The following SGMS1 variants were observed in gnomAD, a reference collection of about 807,000 sequenced individuals.
SGMS1 encodes sphingomyelin synthase 1.
A neutral mutation model predicts 46.2 loss-of-function variants in SGMS1; 13 were observed. That is an observed-to-expected ratio of 0.28 (90% CI 0.18 to 0.45). The LOEUF (loss-of-function observed/expected upper bound fraction) is 0.45, where lower values mean the gene tolerates loss of function less well. SGMS1 is among the 20% of genes least tolerant of loss of function. The pLI is 1.00. For missense variants in SGMS1, 324 were observed against 519.9 expected, an observed-to-expected ratio of 0.62 and a Z score of 3.66; for synonymous variants, 203 against 187.8, an observed-to-expected ratio of 1.08 and a Z score of -0.66.
chr10:50,541,657 T>C (rs1838053581), intron 2 of SGMS1, among the ~76,000 whole-genome samples: 1 of 152,054 alleles, frequency 6.6e-6, no homozygotes, highest in Non-Finnish European at 1.5e-5. Flanking sequence ...GGGGCCAAGA[T>C]CCTCGAAAAT....
chr10:50,418,257 C>T (rs937064593), intron 6 of SGMS1: 28 of 152,302 alleles, frequency 1.8e-4, no homozygotes, highest in African/African-American at 6.5e-4. Context: ...CGGTCCCGTT[C>T]CCCTGCTTGC....
At chr10:50,388,346 A>T (rs563062564) in intron 6 of SGMS1, among the ~76,000 whole-genome samples, 141 of 152,220 alleles carry the variant, frequency 9.3e-4, no homozygotes, top group African/African-American at 2.9e-3. Context: ...TTAAAAGCCC[A>T]AAAGAGGCTG....
chr10:50,539,528 C>T (rs1373743081), intron 2 of SGMS1, among the ~76,000 whole-genome samples: 1 of 152,136 alleles, frequency 6.6e-6, no homozygotes, highest in African/African-American at 2.4e-5. Flanking sequence ...TTATATGGGA[C>T]CTGATTCTCA....
chr10:50,430,488 A>G (rs986635113), intron 6 of SGMS1, among the ~76,000 whole-genome samples: 2 of 145,054 alleles, frequency 1.4e-5, no homozygotes, highest in African/African-American at 5.0e-5. Flanking sequence ...AAAAAAAGCA[A>G]TGTTAATTGT....
chr10:50,556,997 G>C (rs1277666885), intron 2 of SGMS1, among the ~76,000 whole-genome samples: 1 of 152,174 alleles, frequency 6.6e-6, no homozygotes, highest in African/African-American at 2.4e-5. Flanking sequence ...TGTCCTGTCT[G>C]CCGCCAAGGG....
chr10:50,600,519 T>C (rs1429013642), intron 1 of SGMS1, among the ~76,000 whole-genome samples: 2 of 152,144 alleles, frequency 1.3e-5, no homozygotes, highest in Non-Finnish European at 2.9e-5. Context: ...GGGGAATGAA[T>C]ATATTTTGAA....
intron 6 of SGMS1, among the ~76,000 whole-genome samples, chr10:50,395,736 G>T: frequency 6.6e-6 from 1 of 152,176 alleles, no homozygotes; most frequent in East Asian, 1.9e-4. Flanking sequence ...AACTTAAAAT[G>T]TGGAAGGATT....
chr10:50,518,917 G>A (rs1470211592), intron 3 of SGMS1, among the ~76,000 whole-genome samples: 1 of 152,218 alleles, frequency 6.6e-6, no homozygotes, highest in East Asian at 1.9e-4. Flanking sequence ...AAATAAAGAT[G>A]ACAATGATAT....
intron 6 of SGMS1, among the ~76,000 whole-genome samples, chr10:50,352,766 T>G (rs373770093): frequency 6.6e-6 from 1 of 152,062 alleles, no homozygotes; most frequent in Non-Finnish European, 1.5e-5. Flanking sequence ...AAAATTATAA[T>G]GGTGTTCTAA....
Position 50,574,104 on chromosome 10 carries a change from T to G in SGMS1, c.-589+16049A>C, listed in dbSNP as rs140789476. Among the ~76,000 whole-genome samples, 401 of 152,264 alleles carry G rather than the reference T, an allele frequency of 2.6e-3. 3 individuals are homozygous for G. Among genetic ancestry groups the G allele is most frequent in the Non-Finnish European group, 3.5e-3 (235 of 68,010 alleles). On this transcript the variant is annotated intron_variant, in intron 2 of 10. Coordinates refer to ENST00000361781, the MANE Select transcript of SGMS1 (RefSeq NM_147156.4). The stretch of plus-strand genomic sequence containing the variant: ...AACACAGGGGGGAAGCTTCTTGATA[T>G]TAGATTTGGCAATGATTCCTTGGAT...
chr10:50,595,244 C>T (rs372405644), intron 1 of SGMS1, among the ~76,000 whole-genome samples: 6 of 151,872 alleles, frequency 4.0e-5, no homozygotes, highest in Non-Finnish European at 7.4e-5. Context: ...AGCACGATCT[C>T]GGCTCACTGC....
chr10:50,399,910 T>A (rs1328712649), intron 6 of SGMS1, among the ~76,000 whole-genome samples: 1 of 151,420 alleles, frequency 6.6e-6, no homozygotes, highest in East Asian at 1.9e-4. Flanking sequence ...GCGCCTGTAG[T>A]CCCAGCCACT....
intron 3 of SGMS1, among the ~76,000 whole-genome samples, chr10:50,480,571 T>C (rs1166096744): frequency 2.7e-5 from 4 of 148,108 alleles, no homozygotes; most frequent in Non-Finnish European, 6.0e-5. Flanking sequence ...AGGGGAGGCA[T>C]TAAGTGATTG....
At chr10:50,523,398 C>T (rs978129804) in intron 2 of SGMS1, among the ~76,000 whole-genome samples, 1 of 152,202 alleles carries the variant, frequency 6.6e-6, no homozygotes, top group South Asian at 2.1e-4. Flanking sequence ...TTAAGCACAA[C>T]ACTGTAGCAA....
intron 3 of SGMS1, among the ~76,000 whole-genome samples, chr10:50,469,886 C>A (rs1324077562): frequency 6.6e-6 from 1 of 152,200 alleles, no homozygotes; most frequent in Non-Finnish European, 1.5e-5. Flanking sequence ...TTCTGCAAGG[C>A]ATTGGCAAGC....
chr10:50,514,724 T>G (rs767749202), intron 3 of SGMS1, among the ~76,000 whole-genome samples: 15 of 152,290 alleles, frequency 9.8e-5, no homozygotes, highest in Middle Eastern at 3.4e-3. Flanking sequence ...CCAAAATGCT[T>G]AAGAACCACT....
chr10:50,511,238 C>G (rs1456631035), intron 3 of SGMS1, among the ~76,000 whole-genome samples: 1 of 134,092 alleles, frequency 7.5e-6, no homozygotes, highest in Non-Finnish European at 1.6e-5. Context: ...AATATTCATT[C>G]ACTCATTCAT....
In SGMS1 at chr10:50,458,339, C is replaced by CTTTTTTTTTTTTTTTT. The variant is rs750349777; in HGVS notation, c.-313+2318_-313+2333dup. Among the ~76,000 whole-genome samples the CTTTTTTTTTTTTTTTT allele has an allele frequency of 6.5e-4, 63 of 97,144 alleles. 3 individuals are homozygous for CTTTTTTTTTTTTTTTT. The highest frequency in any genetic ancestry group is 9.8e-4 in the African/African-American group (23 of 23,468). 63.7% of individuals were successfully genotyped at this position (97,144 alleles called of 152,430 possible). On this transcript the variant is annotated intron_variant, in intron 5 of 10. Coordinates refer to ENST00000361781, the MANE Select transcript of SGMS1 (RefSeq NM_147156.4). Reference sequence around the variant, plus strand: ...TCTGGCTCTGCTATTTTCTTTTTCTCTTTTTTTTTTTTTTTTTTTTTTTTT... The same window carrying CTTTTTTTTTTTTTTTT: ...TCTGGCTCTGCTATTTTCTTTTTCTCTTTTTTTTTTTTTTTTTTTTTTTTTTTTTTTTTTTTTTTTT...
chr10:50,609,133 T>C (rs947960211), intron 1 of SGMS1, among the ~76,000 whole-genome samples: 7 of 152,164 alleles, frequency 4.6e-5, no homozygotes, highest in African/African-American at 1.2e-4. Context: ...TACAGGTGTA[T>C]GCCACCACGT....
Sources: gnomAD v4.1 joint callset for allele counts (sites outside exome capture counted in the v4.1 genomes callset) on GRCh38, gnomAD v4.1.1 for gene constraint, MANE v1.5 for transcripts, NCBI Gene and HGNC (gene_info 2026-07-23, HGNC 2026-07-21) for gene names.